Variants in ULK4 observed in about 807,000 individuals in gnomAD.
ULK4 encodes unc-51 like kinase 4.
A neutral mutation model predicts 160.6 loss-of-function variants in ULK4; 133 were observed. The observed-to-expected ratio is 0.83, with a 90% CI of 0.72 to 0.96. The LOEUF is 0.96. ULK4 is among the 40% of genes least tolerant of loss of function. ULK4 has a pLI of 0.00. For synonymous variants in ULK4, 534 were observed against 539.8 expected (o/e 0.99, Z 0.15); for missense variants, 1,580 against 1,499.5 (o/e 1.05, Z -0.89).
chr3:41,818,914 A>G (rs1265797210), intron 19 of ULK4, among the ~76,000 whole-genome samples: 2 of 152,258 alleles, frequency 1.3e-5, no homozygotes, highest in Non-Finnish European at 2.9e-5. Flanking sequence ...GCTTTCAGCC[A>G]TTAACAATTG....
At chr3:41,394,572 T>C (rs1209141330) in intron 35 of ULK4, among the ~76,000 whole-genome samples, 2 of 152,080 alleles carry the variant, frequency 1.3e-5, no homozygotes, top group Non-Finnish European at 2.9e-5. Flanking sequence ...TTATTGAAGA[T>C]CATATTGGAA....
chr3:41,577,191 G>A (rs2088219536), intron 31 of ULK4, among the ~76,000 whole-genome samples: 1 of 152,088 alleles, frequency 6.6e-6, no homozygotes, highest in Non-Finnish European at 1.5e-5. Flanking sequence ...CAATGTGGTA[G>A]AGCAGAAAAA....
At chr3:41,822,133 T>C (rs2041166337) in intron 18 of ULK4, among the ~76,000 whole-genome samples, 1 of 152,112 alleles carries the variant, frequency 6.6e-6, no homozygotes, top group Non-Finnish European at 1.5e-5. Flanking sequence ...CTTTAATGAG[T>C]TCCCCTTGCT....
At chr3:41,586,982 G>A (rs1297329122) in intron 31 of ULK4, among the ~76,000 whole-genome samples, 1 of 152,142 alleles carries the variant, frequency 6.6e-6, no homozygotes, top group Admixed American at 6.5e-5. Context: ...CTGTAGGTCA[G>A]AATTCAAGGC....
Position 41,721,279 on chromosome 3 carries a change from T to TTTTTTTTTGG in ULK4, c.2322-3419_2322-3418insCCAAAAAAAA, listed in dbSNP as rs67078043. Among the ~76,000 whole-genome samples, 31 of 98,918 alleles carry TTTTTTTTTGG rather than the reference T, an allele frequency of 3.1e-4. 1 individual carries two copies. The highest frequency in any genetic ancestry group is 1.0e-3 in the South Asian group (3 of 2,890). 64.9% of individuals were successfully genotyped at this position (98,918 alleles called of 152,430 possible). On this transcript the variant is annotated intron_variant, in intron 22 of 36. Coordinates refer to ENST00000301831, the MANE Select transcript of ULK4 (RefSeq NM_017886.4). Reference sequence around the variant, plus strand: ...AATTTTTTTTTTTTTTTTTTTTTTTTTTTTTGGGTTTTGAACCATGAGTAT... The same window carrying TTTTTTTTTGG: ...AATTTTTTTTTTTTTTTTTTTTTTTTTTTTTTTTGGTTTTTGGGTTTTGAACCATGAGTAT...
At chr3:41,396,817 C>T (rs1471221949) in intron 35 of ULK4, among the ~76,000 whole-genome samples, 2 of 152,132 alleles carry the variant, frequency 1.3e-5, no homozygotes, top group African/African-American at 4.8e-5. Flanking sequence ...CCATCATAAT[C>T]CTGCAATTCA....
rs755950925 is a variant in ULK4, at chr3:41,858,670, A to ATT, written c.1657-22701_1657-22700dup. ...ACCATGCTTGGCTAATTTTTGTGTG[A>ATT]TTTTTTTTTTTTTTTGTAGAGACAA... On this transcript the variant is annotated intron_variant, in intron 17 of 36. Transcript: ENST00000301831. Among the ~76,000 whole-genome samples, 458 of 133,342 alleles carry ATT rather than the reference A, an allele frequency of 3.4e-3. 9 individuals carry two copies. Among genetic ancestry groups the ATT allele is most frequent in the African/African-American group, 0.011 (395 of 35,362 alleles). 87.5% of individuals were successfully genotyped at this position (133,342 alleles called of 152,430 possible).
chr3:41,537,923 A>ATTTT (rs34200441), intron 32 of ULK4, among the ~76,000 whole-genome samples: 19 of 145,610 alleles, frequency 1.3e-4, no homozygotes, highest in African/African-American at 4.8e-4. Context: ...CCTTTGTGGC[A>ATTTT]TTTTTTTTTT....
chr3:41,837,770 C>A (rs976820073), intron 17 of ULK4, among the ~76,000 whole-genome samples: 1 of 151,928 alleles, frequency 6.6e-6, no homozygotes, highest in Non-Finnish European at 1.5e-5. Flanking sequence ...CATGTTGGCC[C>A]GGGTAGTTTC....
At chr3:41,502,543 C>T (rs1274259996) in intron 32 of ULK4, among the ~76,000 whole-genome samples, 1 of 152,096 alleles carries the variant, frequency 6.6e-6, no homozygotes, top group Non-Finnish European at 1.5e-5. Flanking sequence ...ATAGAAAAAA[C>T]TCAAAAATGT....
At chr3:41,796,553 T>C (rs748836263) in intron 20 of ULK4, among the ~76,000 whole-genome samples, 67 of 151,938 alleles carry the variant, frequency 4.4e-4, no homozygotes, top group Non-Finnish European at 3.2e-4. Context: ...GATTGCATGA[T>C]TGTACTCCAG....
chr3:41,866,447 G>A (rs530198376), intron 17 of ULK4, among the ~76,000 whole-genome samples: 3 of 152,296 alleles, frequency 2.0e-5, no homozygotes, highest in African/African-American at 7.2e-5. Flanking sequence ...CAGATTATCA[G>A]GCATTAGATT....
At chr3:41,949,038 G>A (rs1700199435) in intron 2 of ULK4, among the ~76,000 whole-genome samples, 1 of 152,160 alleles carries the variant, frequency 6.6e-6, no homozygotes, top group African/African-American at 2.4e-5. Flanking sequence ...CAGGCGTGGT[G>A]GTTCAGGCCC....
chr3:41,735,177 G>A (rs2037985856), intron 22 of ULK4, among the ~76,000 whole-genome samples: 1 of 152,126 alleles, frequency 6.6e-6, no homozygotes, highest in South Asian at 2.1e-4. Context: ...TAATGAATGC[G>A]AAAAGGAAGA....
At chr3:41,359,785 G>A (rs2081105224) in intron 35 of ULK4, among the ~76,000 whole-genome samples, 1 of 152,068 alleles carries the variant, frequency 6.6e-6, no homozygotes, top group South Asian at 2.1e-4. Flanking sequence ...TCAAGATGGA[G>A]TAGAGACTTA....
At chr3:41,353,074 T>C (rs967149791) in intron 35 of ULK4, among the ~76,000 whole-genome samples, 2 of 152,220 alleles carry the variant, frequency 1.3e-5, no homozygotes, top group Non-Finnish European at 2.9e-5. Context: ...TTTCTGGACT[T>C]GGGAAATCTA....
intron 21 of ULK4, among the ~76,000 whole-genome samples, chr3:41,776,629 G>A (rs989363950): frequency 1.8e-5 from 2 of 114,010 alleles, no homozygotes; most frequent in Non-Finnish European, 4.1e-5. Context: ...TTTTTAGCAT[G>A]AAGGGTTGTT....
At chr3:41,564,901 T>A (rs1360053389) in intron 32 of ULK4, among the ~76,000 whole-genome samples, 7 of 152,220 alleles carry the variant, frequency 4.6e-5, no homozygotes, top group South Asian at 2.1e-4. Flanking sequence ...CTTTCAGTCC[T>A]TCAAGCTCCA....
chr3:41,699,214 G>A (rs1387700214), intron 27 of ULK4, among the ~76,000 whole-genome samples: 4 of 152,148 alleles, frequency 2.6e-5, no homozygotes, highest in Non-Finnish European at 5.9e-5. Context: ...CTCACTGAGC[G>A]TAGTGTTTCT....
Sources: gnomAD v4.1 joint callset for allele counts (sites outside exome capture counted in the v4.1 genomes callset) on GRCh38, gnomAD v4.1.1 for gene constraint, MANE v1.5 for transcripts, NCBI Gene and HGNC (gene_info 2026-07-23, HGNC 2026-07-21) for gene names.